PTPRD: variants seen among roughly 807,000 people sequenced by gnomAD.
PTPRD encodes protein tyrosine phosphatase receptor type D.
A neutral mutation model predicts 214.5 loss-of-function variants in PTPRD; 34 were observed. The ratio of observed to expected loss-of-function variants is 0.16; its 90% confidence interval spans 0.12 to 0.21. The LOEUF (loss-of-function observed/expected upper bound fraction) is 0.21, where lower values mean the gene tolerates loss of function less well. PTPRD is among the 10% of genes least tolerant of loss of function. The probability of loss-of-function intolerance (pLI) is 1.00; values close to 1 mark genes in which losing one functional copy is unlikely to be tolerated. For missense variants in PTPRD, 2,545 were observed against 2,398.7 expected, an observed-to-expected ratio of 1.06 and a Z score of -1.27; for synonymous variants, 1,128 against 845.7, an observed-to-expected ratio of 1.33 and a Z score of -5.79.
chr9:10,434,422 C>G (rs957480036), intron 2 of PTPRD, among the ~76,000 whole-genome samples: 1 of 151,942 alleles, frequency 6.6e-6, no homozygotes, highest in East Asian at 1.9e-4. Flanking sequence ...GTTAAATATT[C>G]TAAATTAGAG....
chr9:10,070,592 T>C (rs1331276659), intron 3 of PTPRD, among the ~76,000 whole-genome samples: 1 of 152,062 alleles, frequency 6.6e-6, no homozygotes, highest in Non-Finnish European at 1.5e-5. Flanking sequence ...GAGTCATTTA[T>C]GGAGATCATA....
At chr9:10,018,753 T>G (rs1589045608) in intron 4 of PTPRD, among the ~76,000 whole-genome samples, 1 of 150,848 alleles carries the variant, frequency 6.6e-6, no homozygotes, top group African/African-American at 2.4e-5. Context: ...GTTTCACCGT[T>G]TTAGCCGGGA....
chr9:10,575,385 G>T (rs773253696), intron 2 of PTPRD, among the ~76,000 whole-genome samples: 1 of 152,024 alleles, frequency 6.6e-6, no homozygotes, highest in Non-Finnish European at 1.5e-5. Flanking sequence ...AAAAAATGAT[G>T]TGTTCTACCT....
chr9:10,086,479 C>A (rs893719648), intron 3 of PTPRD, among the ~76,000 whole-genome samples: 4 of 151,708 alleles, frequency 2.6e-5, no homozygotes, highest in African/African-American at 9.7e-5. Flanking sequence ...AAGTGGAAAG[C>A]GAATCTATTT....
At chr9:9,728,916 G>C (rs1355711293) in intron 7 of PTPRD, among the ~76,000 whole-genome samples, 1 of 151,850 alleles carries the variant, frequency 6.6e-6, no homozygotes, top group Non-Finnish European at 1.5e-5. Flanking sequence ...AAAATTTGTA[G>C]TACTATTTAT....
intron 10 of PTPRD, among the ~76,000 whole-genome samples, chr9:9,151,437 G>A (rs536503958): frequency 6.6e-6 from 1 of 152,268 alleles, no homozygotes; most frequent in African/African-American, 2.4e-5. Context: ...TGTCCCCCAG[G>A]CTGCAGGCAG....
chr9:8,707,969 T>G (rs1282523955), intron 12 of PTPRD, among the ~76,000 whole-genome samples: 1 of 152,124 alleles, frequency 6.6e-6, no homozygotes, highest in African/African-American at 2.4e-5. Context: ...TTAGGGGAAC[T>G]TCAAACTTGC....
At chr9:10,522,716 T>A (rs1252664982) in intron 2 of PTPRD, among the ~76,000 whole-genome samples, 1 of 152,010 alleles carries the variant, frequency 6.6e-6, no homozygotes, top group Non-Finnish European at 1.5e-5. Flanking sequence ...GGTTCAAGAA[T>A]AATTTCAGTT....
At chr9:8,371,198 C>T (rs1210564713) in intron 39 of PTPRD, among the ~76,000 whole-genome samples, 1 of 151,920 alleles carries the variant, frequency 6.6e-6, no homozygotes, top group African/African-American at 2.4e-5. Context: ...AAAGTAAGCT[C>T]TCATAAAGAA....
intron 43 of PTPRD, among the ~76,000 whole-genome samples, chr9:8,335,338 A>G (rs1160366261): frequency 6.6e-6 from 1 of 152,098 alleles, no homozygotes; most frequent in Non-Finnish European, 1.5e-5. Flanking sequence ...CTTGTTCAAC[A>G]TACACAAATC....
chr9:8,500,119 C>T (rs2097362336), intron 24 of PTPRD, among the ~76,000 whole-genome samples: 1 of 136,152 alleles, frequency 7.3e-6, no homozygotes, highest in African/African-American at 2.8e-5. Context: ...AAAAAATGTA[C>T]AAAAGCCAAG....
At chr9:10,467,229 G>C (rs2099000800) in intron 2 of PTPRD, among the ~76,000 whole-genome samples, 1 of 152,182 alleles carries the variant, frequency 6.6e-6, no homozygotes, top group Non-Finnish European at 1.5e-5. Context: ...ACTCTCAATA[G>C]TTGTGGGATG....
At chr9:8,387,683 C>T (rs1245121077) in intron 37 of PTPRD, among the ~76,000 whole-genome samples, 1 of 152,168 alleles carries the variant, frequency 6.6e-6, no homozygotes, top group African/African-American at 2.4e-5. Flanking sequence ...CAATTCCTAT[C>T]CCTGACCTTG....
chr9:8,668,621 T>C (rs1337270832), intron 12 of PTPRD, among the ~76,000 whole-genome samples: 1 of 152,156 alleles, frequency 6.6e-6, no homozygotes, highest in Non-Finnish European at 1.5e-5. Context: ...TATAAAGAGA[T>C]GGTGAAATTA....
intron 11 of PTPRD, among the ~76,000 whole-genome samples, chr9:8,914,207 A>C (rs1226652998): frequency 1.3e-5 from 2 of 152,186 alleles, no homozygotes; most frequent in Non-Finnish European, 2.9e-5. Context: ...TAATGTAATA[A>C]TGATTAACAA....
At chr9:9,633,845 C>A (rs1484348456) in intron 7 of PTPRD, among the ~76,000 whole-genome samples, 1 of 152,010 alleles carries the variant, frequency 6.6e-6, no homozygotes, top group East Asian at 1.9e-4. Flanking sequence ...TTTTCCAGTG[C>A]AAATCATTAA....
At chr9:9,899,363 T>C (rs1247398310) in intron 5 of PTPRD, among the ~76,000 whole-genome samples, 1 of 151,990 alleles carries the variant, frequency 6.6e-6, no homozygotes, top group African/African-American at 2.4e-5. Context: ...AATAGCAAAA[T>C]AATAATAATT....
In PTPRD at chr9:9,645,235, TG is replaced by T. The variant is rs2096115469; in HGVS notation, c.-286-70455del. On this transcript the variant is annotated intron_variant, in intron 7 of 45. Transcript: ENST00000381196. Reference sequence around the variant, plus strand: ...GGGTCAAGGGAGCCTTGTGGGCCCTTGGGTGAGTTACTTAAGTCACTGAGTT... The same window carrying T: ...GGGTCAAGGGAGCCTTGTGGGCCCTTGGTGAGTTACTTAAGTCACTGAGTT... Among the ~76,000 whole-genome samples the T allele has an allele frequency of 3.3e-5, 5 of 152,290 alleles. No homozygotes were observed. In the South Asian group the frequency reaches 8.3e-4, roughly 25 times the overall value.
chr9:9,963,419 A>G (rs1341296593), intron 4 of PTPRD, among the ~76,000 whole-genome samples: 2 of 135,650 alleles, frequency 1.5e-5, no homozygotes, highest in Admixed American at 6.8e-5. Flanking sequence ...TTTCTCCTTT[A>G]TAACTTTATA....
Sources: allele counts gnomAD v4.1 joint callset (sites outside exome capture counted in the v4.1 genomes callset), GRCh38; gene constraint gnomAD v4.1.1; transcripts MANE v1.5; gene names NCBI Gene and HGNC (gene_info 2026-07-23, HGNC 2026-07-21).